The following GSTA1 variants were observed in gnomAD, a reference collection of about 807,000 sequenced individuals.
GSTA1 encodes glutathione S-transferase A1.
Under a neutral mutation model 21.5 loss-of-function variants are expected in GSTA1, and 23 were observed. That is an observed-to-expected ratio of 1.07 (90% CI 0.77 to 1.52). The LOEUF (loss-of-function observed/expected upper bound fraction) is 1.52, where lower values mean the gene tolerates loss of function less well. Ranked by LOEUF, GSTA1 falls within the 40% of genes most tolerant of loss-of-function variation. The pLI is 0.00. For missense variants in GSTA1, 301 were observed against 264.2 expected, an observed-to-expected ratio of 1.14 and a Z score of -0.96; for synonymous variants, 125 against 90.0, an observed-to-expected ratio of 1.39 and a Z score of -2.20.
At chr6:52,802,228 G>C (rs1171814039) in intron 1 of GSTA1, among the ~76,000 whole-genome samples, 1 of 152,046 alleles carries the variant, frequency 6.6e-6, no homozygotes, top group Non-Finnish European at 1.5e-5. Context: ...TGTTTTGAAA[G>C]GAATATAAGC....
intron 1 of GSTA1, among the ~76,000 whole-genome samples, chr6:52,802,599 A>G (rs1452902544): frequency 1.3e-5 from 2 of 152,168 alleles, no homozygotes; most frequent in African/African-American, 2.4e-5. Flanking sequence ...TCTATCCATC[A>G]ATTATTTTAC....
chr6:52,796,753 A>G (rs904726718), intron 3 of GSTA1, among the ~76,000 whole-genome samples: 1 of 150,836 alleles, frequency 6.6e-6, no homozygotes, highest in African/African-American at 2.4e-5. Context: ...ATGTTGGCCA[A>G]ACTGGTCTCA....
intron 6 of GSTA1, 50 bp from the exon 7 acceptor site, chr6:52,792,030 C>T: frequency 1.2e-6 from 2 of 1,608,246 alleles, no homozygotes; most frequent in Middle Eastern, 3.5e-4. Context: ...GCTGACACCA[C>T]CATTAACATG....
chr6:52,799,128 A>C, intron 2 of GSTA1, 53 bp downstream of exon 2: 1 of 1,519,036 alleles, frequency 6.6e-7, no homozygotes, highest in Non-Finnish European at 9.1e-7. Context: ...TGGGAAAAGT[A>C]TGTGATAACA....
intron 1 of GSTA1, among the ~76,000 whole-genome samples, chr6:52,800,541 C>T (rs773389806): frequency 8.5e-5 from 13 of 152,206 alleles, no homozygotes; most frequent in Non-Finnish European, 1.6e-4. Context: ...TGCTCACTTG[C>T]TCATTGTAAA....
At chr6:52,797,159 C>T (rs1212147877) in intron 3 of GSTA1, among the ~76,000 whole-genome samples, 1 of 152,142 alleles carries the variant, frequency 6.6e-6, no homozygotes, top group Non-Finnish European at 1.5e-5. Flanking sequence ...TGCGATATTG[C>T]TACAGTGTTA....
rs1210678635 is a variant in GSTA1 at position 52,794,146 on chromosome 6, G to A, written c.393C>T (p.Arg131=). 2 of 1,613,984 alleles carry A rather than the reference G, an allele frequency of 1.2e-6. No individual in the cohort carries two copies. Among genetic ancestry groups the A allele is most frequent in the East Asian group, 2.2e-5 (1 of 44,870 alleles). Residue 131 remains arginine (R), a synonymous_variant, in exon 5 of 7, where the codon CGC becomes CGT. Transcript: ENST00000334575. ...LALIKEKIKN[R]YFPAFEKVLK... ...TTACTTTTTCAAAGGCAGGGAAGTA[G>A]CGATTTTTTATTTTCTCTTTGATCA... is the stretch of plus-strand genomic sequence containing the variant.
At chr6:52,795,678 G>A (rs1427539063) in intron 4 of GSTA1, among the ~76,000 whole-genome samples, 2 of 152,094 alleles carry the variant, frequency 1.3e-5, no homozygotes, top group Non-Finnish European at 2.9e-5. Context: ...AGCATCCTTG[G>A]TGCCAGCCTC....
In GSTA1 at chr6:52,791,988, T is replaced by C; in HGVS notation, c.547-8A>G. The stretch of plus-strand genomic sequence containing the variant: ...GATTCTGGTTTTCAGGGCCTGTAAT[T>C]CATAAAGCACAGCCTCAGAGTGAAG... On this transcript the variant is annotated splice_region_variant and splice_polypyrimidine_tract_variant and intron_variant, in intron 6 of 6. Coordinates refer to ENST00000334575, the MANE Select transcript of GSTA1 (RefSeq NM_145740.5). The C allele has an allele frequency of 6.2e-7, 1 of 1,613,876 alleles. No individual in the cohort carries two copies. Among genetic ancestry groups the C allele is most frequent in the Non-Finnish European group, 8.5e-7 (1 of 1,179,836 alleles).
At chr6:52,799,490 C>CTGGT (rs1763662956) in intron 1 of GSTA1, among the ~76,000 whole-genome samples, 193 bp from the exon 2 acceptor site, 1 of 152,144 alleles carries the variant, frequency 6.6e-6, no homozygotes, top group Admixed American at 6.5e-5. Context: ...TTCCAGCAAA[C>CTGGT]CAGTCTCAAG....
At chr6:52,794,355 G>A in intron 4 of GSTA1, 89 bp from the exon 5 acceptor site, 1 of 1,346,640 alleles carries the variant, frequency 7.4e-7, no homozygotes, top group African/African-American at 1.5e-5. Context: ...AGTATCAGGT[G>A]ATGGCAAAAT....
intron 1 of GSTA1, among the ~76,000 whole-genome samples, chr6:52,800,255 G>T (rs967571460): frequency 6.6e-6 from 1 of 152,200 alleles, no homozygotes; most frequent in Non-Finnish European, 1.5e-5. Flanking sequence ...AGGATACTGA[G>T]GTTTTTAAAG....
chr6:52,793,419 G>A (rs1301735301), intron 5 of GSTA1, among the ~76,000 whole-genome samples: 1 of 152,044 alleles, frequency 6.6e-6, no homozygotes, highest in African/African-American at 2.4e-5. Flanking sequence ...TCTTCCCCAG[G>A]AGGAGACTAT....
rs543209484 is a variant in GSTA1 at position 52,801,516 on chromosome 6, C to A, written c.-30-2219G>T. ...CAGTGTTGTAATTCCAATCCCCAAA[C>A]TAAACTCTCTTAGCCATTGATTGAG... On this transcript the variant is annotated intron_variant, in intron 1 of 6. Transcript: ENST00000334575. Among the ~76,000 whole-genome samples the A allele has an allele frequency of 4.6e-5, 7 of 152,324 alleles. No individual in the cohort carries two copies. In the South Asian group the frequency reaches 6.2e-4, roughly 14 times the overall value.
intron 1 of GSTA1, among the ~76,000 whole-genome samples, chr6:52,801,861 G>T (rs1763724672): frequency 6.6e-6 from 1 of 152,118 alleles, no homozygotes; most frequent in Non-Finnish European, 1.5e-5. Flanking sequence ...GAGAGCTAAA[G>T]CACCTGTCTC....
Position 52,797,576 on chromosome 6 carries a change from T to C in GSTA1, c.139+10A>G. On this transcript the variant is annotated intron_variant, in intron 3 of 6. Coordinates refer to ENST00000334575, the MANE Select transcript of GSTA1 (RefSeq NM_145740.5). ...TACCCTCATCAGAGGAACTTAGAGA[T>C]TGATCTTACCATTTCTTAACTTGTC... is the stretch of plus-strand genomic sequence containing the variant. 1 of 1,604,018 alleles carries C rather than the reference T, an allele frequency of 6.2e-7. No homozygotes were observed. The highest frequency in any genetic ancestry group is 1.3e-5 in the African/African-American group (1 of 74,776).
chr6:52,794,390 T>G, intron 4 of GSTA1, 124 bp from the exon 5 acceptor site: 1 of 846,138 alleles, frequency 1.2e-6, no homozygotes, highest in South Asian at 1.8e-5. Flanking sequence ...GGGTGCCTTT[T>G]ATAGTCTAGT....
intron 1 of GSTA1, among the ~76,000 whole-genome samples, chr6:52,800,651 T>C (rs1581798958): frequency 1.3e-5 from 2 of 152,124 alleles, no homozygotes; most frequent in South Asian, 2.1e-4. Flanking sequence ...TATCAGAGAA[T>C]GAAAACCAGT....
chr6:52,796,578 C>A (rs184644185), intron 3 of GSTA1, among the ~76,000 whole-genome samples: 1 of 116,372 alleles, frequency 8.6e-6, no homozygotes, highest in African/African-American at 3.3e-5. Context: ...GAGTATCATT[C>A]TGTCACCCAG....
Sources: gnomAD v4.1 joint callset for allele counts (sites outside exome capture counted in the v4.1 genomes callset) on GRCh38, gnomAD v4.1.1 for gene constraint, MANE v1.5 for transcripts, NCBI Gene and HGNC (gene_info 2026-07-23, HGNC 2026-07-21) for gene names.